ZNF273: variants seen among roughly 807,000 people sequenced by gnomAD.
ZNF273 encodes zinc finger protein 9.
In ZNF273, 11 loss-of-function variants were observed where a neutral mutation model predicts 14.9. The ratio of observed to expected loss-of-function variants is 0.74; its 90% CI spans 0.46 to 1.22. The LOEUF is 1.22. Ranked by LOEUF, ZNF273 falls within the 50% of genes most tolerant of loss-of-function variation. ZNF273 has a pLI of 0.00. For missense variants in ZNF273, 577 were observed against 660.6 expected, an observed-to-expected ratio of 0.87 and a Z score of 1.39; for synonymous variants, 199 against 223.9, an observed-to-expected ratio of 0.89 and a Z score of 0.99.
At chr7:64,908,648 G>T (rs1000331973) in intron 1 of ZNF273, among the ~76,000 whole-genome samples, 4 of 152,060 alleles carry the variant, frequency 2.6e-5, no homozygotes, top group African/African-American at 4.8e-5. Flanking sequence ...TAGTGACAGG[G>T]TTTCACCATG....
In ZNF273 at chr7:64,914,180, G is replaced by GTTTTTT. The variant is rs1793773323; in HGVS notation, c.103-3400_103-3399insTTTTTT. ...GCACCACTACGTCCTGGTAATTTTTGTATTTTTTTTTTTTTTTTTTTTTTT... is the reference window on the plus strand; with the variant it reads ...GCACCACTACGTCCTGGTAATTTTTGTTTTTTTATTTTTTTTTTTTTTTTTTTTTTT... On this transcript the variant is annotated intron_variant, in intron 1 of 3. Transcript: ENST00000476120. Among the ~76,000 whole-genome samples, 10 of 63,080 alleles carry GTTTTTT rather than the reference G, an allele frequency of 1.6e-4. 2 individuals carry two copies. Among genetic ancestry groups the GTTTTTT allele is most frequent in the Non-Finnish European group, 2.0e-4 (7 of 34,232 alleles). The allele number at this position is 63,080 out of a possible 152,430, so 41.4% of individuals were successfully genotyped here.
At chr7:64,880,285 A>C (rs1001757245), downstream of ZNF273, 6 of 152,232 alleles carry the variant, frequency 3.9e-5, no homozygotes, top group Non-Finnish European at 8.8e-5. Context: ...ATCCAAAAAG[A>C]TCGGCAGGAT....
chr7:64,914,656 C>G (rs1793824913), intron 1 of ZNF273, among the ~76,000 whole-genome samples: 1 of 152,064 alleles, frequency 6.6e-6, no homozygotes, highest in African/African-American at 2.4e-5. Context: ...GGGAGGGCAC[C>G]TGAGGATAGA....
chr7:64,924,959 T>G (rs1794705810), intron 3 of ZNF273, among the ~76,000 whole-genome samples: 1 of 152,022 alleles, frequency 6.6e-6, no homozygotes. Flanking sequence ...CCCGCCACCA[T>G]GCCTGGCTAA....
chr7:64,927,556 C>A, intron 3 of ZNF273, 98 bp from the exon 4 acceptor site: 3 of 1,069,760 alleles, frequency 2.8e-6, no homozygotes, highest in Non-Finnish European at 2.7e-6. Context: ...GCTATACCAT[C>A]TTCCTTATGT....
rs761193444 is a variant in ZNF273 at position 64,929,000 on chromosome 7, T to A, written c.1672T>A (p.Ser558Thr). The A allele has an allele frequency of 7.0e-6, 11 of 1,568,926 alleles. No individual in the cohort carries two copies. In the African/African-American group the frequency reaches 1.5e-4, roughly 21 times the overall value. ...TGCTTTTGACAACACCCCAAACTTTTCTAGACATAAAAGAAATCATATGGG... is the reference window on the plus strand; with the variant it reads ...TGCTTTTGACAACACCCCAAACTTTACTAGACATAAAAGAAATCATATGGG... ...DSAFDNTPNF[S>T]RHKRNHMGEK... Residue 558 changes from serine to threonine, a missense_variant, in exon 4 of 4, where the codon TCT becomes ACT. Transcript: ENST00000476120.
At chr7:64,905,803 AG>A in intron 1 of ZNF273, among the ~76,000 whole-genome samples, 1 of 152,262 alleles carries the variant, frequency 6.6e-6, no homozygotes, top group South Asian at 2.1e-4. Context: ...TTTTCTAATC[AG>A]CACTGCCACT....
At chr7:64,892,337 T>C (rs369936672), downstream of ZNF273, among the ~76,000 whole-genome samples, 30 of 152,320 alleles carry the variant, frequency 2.0e-4, no homozygotes, top group East Asian at 5.6e-3. Context: ...TGAGTTATTA[T>C]GTAATTTGCT....
downstream of ZNF273, among the ~76,000 whole-genome samples, chr7:64,891,179 G>A (rs1374468549): frequency 6.6e-6 from 1 of 152,190 alleles, no homozygotes; most frequent in Non-Finnish European, 1.5e-5. Context: ...TATGACTTTG[G>A]TTCTGCCTCA....
chr7:64,883,851 G>A (rs11980327), downstream of ZNF273, among the ~76,000 whole-genome samples: 7,440 of 152,204 alleles, frequency 0.049, 564 homozygotes, highest in African/African-American at 0.16. Flanking sequence ...ACCTTTCCTT[G>A]TTCACAGAGG....
chr7:64,880,339 A>AT (rs1378449090), downstream of ZNF273: 3 of 152,258 alleles, frequency 2.0e-5, no homozygotes, highest in East Asian at 5.8e-4. Flanking sequence ...TCTCCTTGAA[A>AT]GTTGCACTTC....
downstream of ZNF273, chr7:64,931,001 T>C (rs1203205910): frequency 2.0e-5 from 3 of 152,188 alleles, no homozygotes; most frequent in Admixed American, 6.5e-5. Flanking sequence ...AAATTTGTTA[T>C]ATATTTTTCT....
intron 1 of ZNF273, among the ~76,000 whole-genome samples, chr7:64,917,281 C>A (rs535557229): frequency 1.3e-5 from 2 of 152,300 alleles, no homozygotes; most frequent in East Asian, 3.9e-4. Flanking sequence ...ACAGCTGATT[C>A]TGTATGATGT....
intron 3 of ZNF273, chr7:64,924,576 T>C (rs987243413): frequency 1.3e-5 from 2 of 152,170 alleles, no homozygotes; most frequent in Admixed American, 6.5e-5. Context: ...GAATCTATTA[T>C]TGTTTAATGT....
chr7:64,883,468 C>T (rs1220894449), downstream of ZNF273, among the ~76,000 whole-genome samples: 1 of 152,140 alleles, frequency 6.6e-6, no homozygotes, highest in Non-Finnish European at 1.5e-5. Flanking sequence ...GCAAGTAGGT[C>T]AGATAGGGGT....
chr7:64,918,397 T>A (rs1386401683), intron 3 of ZNF273, 105 bp downstream of exon 3: 1 of 1,173,996 alleles, frequency 8.5e-7, no homozygotes, highest in Non-Finnish European at 1.1e-6. Flanking sequence ...GCGCGGTGGC[T>A]CACGTCTGTA....
rs34374261 is a variant in ZNF273, at chr7:64,905,420, C to CT, written c.102+2023dup. Reference sequence around the variant, plus strand: ...CGTGAGGCACCCCACGCTGGCCACACTTTTTTTTTTTTTTTTTTTTTTGAA... The same window carrying CT: ...CGTGAGGCACCCCACGCTGGCCACACTTTTTTTTTTTTTTTTTTTTTTTGAA... On this transcript the variant is annotated intron_variant, in intron 1 of 3. Coordinates refer to ENST00000476120, the MANE Select transcript of ZNF273 (RefSeq NM_021148.3). 9.6e-3 allele frequency among the ~76,000 whole-genome samples: 807 copies of CT among 84,216 alleles called. 8 individuals carry two copies. The highest frequency in any genetic ancestry group is 0.066 in the Middle Eastern group (8 of 122). The allele number at this position is 84,216 out of a possible 152,430, so 55.2% of individuals were successfully genotyped here. A position where few individuals can be genotyped will look rare whatever the true frequency, so the allele number is the denominator to read the frequency against.
downstream of ZNF273, among the ~76,000 whole-genome samples, chr7:64,884,159 C>A (rs1203983322): frequency 6.6e-6 from 1 of 152,174 alleles, no homozygotes; most frequent in Non-Finnish European, 1.5e-5. Context: ...CCTCTCACCA[C>A]AGATCTTTTG....
chr7:64,926,286 C>T (rs1794764126), intron 3 of ZNF273, among the ~76,000 whole-genome samples: 1 of 151,950 alleles, frequency 6.6e-6, no homozygotes, highest in African/African-American at 2.4e-5. Context: ...TTACAGTTCC[C>T]AAGATTGTCT....
Sources: gnomAD v4.1 joint callset for allele counts (sites outside exome capture counted in the v4.1 genomes callset) on GRCh38, gnomAD v4.1.1 for gene constraint, MANE v1.5 for transcripts, NCBI Gene and HGNC (gene_info 2026-07-23, HGNC 2026-07-21) for gene names.